Variants in RBFOX1 observed in about 807,000 individuals in gnomAD.
The protein encoded by RBFOX1 is RNA binding fox-1 homolog 1, also known as RNA binding protein fox-1 homolog 1.
RBFOX1 carries 8 observed loss-of-function variants against 57.7 expected under a neutral mutation model. The ratio of observed to expected loss-of-function variants is 0.14; its 90% CI spans 0.08 to 0.25. The LOEUF (loss-of-function observed/expected upper bound fraction) is 0.25, where lower values mean the gene tolerates loss of function less well. Ranked by LOEUF, RBFOX1 falls within the 10% of genes least tolerant of loss-of-function variation. The probability of loss-of-function intolerance (pLI) is 1.00; values close to 1 mark genes in which losing one functional copy is unlikely to be tolerated. For missense variants in RBFOX1, 611 were observed against 548.5 expected (o/e 1.11, Z -1.14); for synonymous variants, 326 against 222.4 (o/e 1.47, Z -4.15).
At position 6,687,338 on chromosome 16, in the gene RBFOX1, T is replaced by C. The variant is rs73533768; in HGVS notation, c.-16+32688T>C. ...GTAATAAACTGCATATTAGGTACAA[T>C]GTACACTACTTGCGTGACAGGTTTA... On this transcript the variant is annotated intron_variant, in intron 3 of 15. Transcript: ENST00000550418. Among the ~76,000 whole-genome samples the C allele has an allele frequency of 9.3e-3, 1,420 of 152,262 alleles. 20 individuals carry two copies. The highest frequency in any genetic ancestry group is 0.032 in the African/African-American group (1,332 of 41,546).
At chr16:6,361,810 T>C (rs1387816578) in intron 2 of RBFOX1, among the ~76,000 whole-genome samples, 1 of 152,072 alleles carries the variant, frequency 6.6e-6, no homozygotes, top group African/African-American at 2.4e-5. Flanking sequence ...ACAGCCAAAA[T>C]TGAGAACCAC....
At chr16:5,678,561 A>G (rs906050145) in intron 3 of RBFOX1, among the ~76,000 whole-genome samples, 9 of 152,146 alleles carry the variant, frequency 5.9e-5, no homozygotes, top group Non-Finnish European at 1.0e-4. Context: ...AGCCTTGTCC[A>G]TGGTGCTGGA....
intron 1 of RBFOX1, among the ~76,000 whole-genome samples, chr16:6,256,267 A>ATATGTATATATATATG (rs2097665870): frequency 1.6e-5 from 2 of 125,504 alleles, no homozygotes; most frequent in African/African-American, 7.0e-5. Context: ...GTGTATATAT[A>ATATGTATATATATATG]TATGTATATA....
At chr16:6,329,837 C>A (rs1241467749) in intron 2 of RBFOX1, among the ~76,000 whole-genome samples, 1 of 152,096 alleles carries the variant, frequency 6.6e-6, no homozygotes, top group African/African-American at 2.4e-5. Context: ...ACTTGGGAGG[C>A]TGAGGTAGGA....
At chr16:7,573,602 G>A (rs1022489705) in intron 5 of RBFOX1, among the ~76,000 whole-genome samples, 12 of 152,066 alleles carry the variant, frequency 7.9e-5, no homozygotes, top group Non-Finnish European at 4.4e-5. Flanking sequence ...GGGAGGCCAA[G>A]GCAGGCCGAT....
rs185132260 is a variant in RBFOX1 at position 5,825,095 on chromosome 16, G to A, written c.319-42208G>A. On this transcript the variant is annotated intron_variant, in intron 3 of 19. Coordinates refer to the RBFOX1 transcript ENST00000641259. ...ACTCTTGGAGCATCAACACAGGAAG[G>A]AATTGGAGGTGGTCTGTTGTCATGG... Among the ~76,000 whole-genome samples, 971 of 152,344 alleles carry A rather than the reference G, an allele frequency of 6.4e-3. 4 individuals are homozygous for A. Among genetic ancestry groups the A allele is most frequent in the Middle Eastern group, 0.01 (3 of 294 alleles).
At position 6,891,279 on chromosome 16, in the gene RBFOX1, C is replaced by G. The variant is rs185915365; in HGVS notation, c.-15-160778C>G. 5.9e-5 allele frequency among the ~76,000 whole-genome samples: 9 copies of G among 152,266 alleles called. No individual in the cohort carries two copies. In the East Asian group the frequency reaches 1.4e-3, roughly 23 times the overall value. ...ACTTTATAAGAACAACTGCTTGAAGCAACTTAGCAAGGTGGCAGTATTATC... is the reference window on the plus strand; with the variant it reads ...ACTTTATAAGAACAACTGCTTGAAGGAACTTAGCAAGGTGGCAGTATTATC... On this transcript the variant is annotated intron_variant, in intron 3 of 15. Coordinates refer to ENST00000550418, the MANE Select transcript of RBFOX1 (RefSeq NM_018723.4).
intron 3 of RBFOX1, among the ~76,000 whole-genome samples, chr16:6,692,946 T>A (rs913059102): frequency 2.0e-4 from 30 of 150,750 alleles, no homozygotes; most frequent in African/African-American, 7.3e-4. Flanking sequence ...ATTATCAACA[T>A]CATCCCCATC....
chr16:6,747,010 A>G (rs1251426949), intron 3 of RBFOX1, among the ~76,000 whole-genome samples: 1 of 152,102 alleles, frequency 6.6e-6, no homozygotes, highest in Non-Finnish European at 1.5e-5. Context: ...CCCTCACCAC[A>G]GATTATTGAG....
intron 4 of RBFOX1, among the ~76,000 whole-genome samples, chr16:7,502,496 C>G (rs1009492507): frequency 6.6e-6 from 1 of 152,130 alleles, no homozygotes; most frequent in Non-Finnish European, 1.5e-5. Flanking sequence ...GTTGTTTAGA[C>G]TATGTTTACG....
chr16:5,759,871 C>G (rs1225735736), intron 3 of RBFOX1, among the ~76,000 whole-genome samples: 6 of 152,114 alleles, frequency 3.9e-5, no homozygotes, highest in African/African-American at 1.4e-4. Flanking sequence ...ACATCTTGAT[C>G]AAACGGCCTT....
chr16:6,090,494 T>C (rs1479704181), intron 1 of RBFOX1, among the ~76,000 whole-genome samples: 1 of 152,318 alleles, frequency 6.6e-6, no homozygotes, highest in Admixed American at 6.5e-5. Flanking sequence ...CATGATGCTT[T>C]TGGCTCCAAA....
intron 3 of RBFOX1, among the ~76,000 whole-genome samples, chr16:5,707,395 A>G (rs1436419406): frequency 6.6e-6 from 1 of 152,220 alleles, no homozygotes; most frequent in African/African-American, 2.4e-5. Context: ...TCAGAGCTGA[A>G]GTGTCTTGTG....
intron 4 of RBFOX1, among the ~76,000 whole-genome samples, chr16:7,171,399 G>A (rs535485368): frequency 6.6e-6 from 1 of 152,248 alleles, no homozygotes; most frequent in African/African-American, 2.4e-5. Flanking sequence ...TCCTGCCACC[G>A]CTAATGTCAC....
intron 4 of RBFOX1, among the ~76,000 whole-genome samples, chr16:7,100,736 C>G (rs1032351881): frequency 6.6e-6 from 1 of 151,974 alleles, no homozygotes; most frequent in Non-Finnish European, 1.5e-5. Flanking sequence ...ACAGAGGACT[C>G]AGAGGGGGAA....
At chr16:5,382,173 G>C (rs548502526) in intron 1 of RBFOX1, among the ~76,000 whole-genome samples, 2 of 152,248 alleles carry the variant, frequency 1.3e-5, no homozygotes, top group South Asian at 4.1e-4. Context: ...ATGTCATTCA[G>C]GCCATCTAAG....
intron 11 of RBFOX1, 27 bp from the exon 12 acceptor site, chr16:7,653,788 C>CTA: frequency 1.2e-6 from 2 of 1,605,520 alleles, no homozygotes; most frequent in South Asian, 2.2e-5. Flanking sequence ...CCTGTGCTCT[C>CTA]TCTCTCTCTC....
intron 1 of RBFOX1, among the ~76,000 whole-genome samples, chr16:6,238,380 T>C (rs1030160758): frequency 6.6e-6 from 1 of 152,138 alleles, no homozygotes; most frequent in African/African-American, 2.4e-5. Flanking sequence ...TCTTAATATA[T>C]GTTAATTCCC....
intron 2 of RBFOX1, among the ~76,000 whole-genome samples, chr16:6,502,125 T>G (rs1263411902): frequency 1.3e-5 from 2 of 152,134 alleles, no homozygotes; most frequent in Admixed American, 1.3e-4. Context: ...ACCAAAAAAT[T>G]CCTTCAGTGT....
Sources: allele counts gnomAD v4.1 joint callset (sites outside exome capture counted in the v4.1 genomes callset), GRCh38; gene constraint gnomAD v4.1.1; transcripts MANE v1.5; gene names NCBI Gene and HGNC (gene_info 2026-07-23, HGNC 2026-07-21).